TRIO: variants seen among roughly 807,000 people sequenced by gnomAD.
TRIO encodes trio Rho guanine nucleotide exchange factor.
A neutral mutation model predicts 351.9 loss-of-function variants in TRIO; 58 were observed. The ratio of observed to expected loss-of-function variants is 0.16; its 90% confidence interval spans 0.13 to 0.21. The LOEUF (loss-of-function observed/expected upper bound fraction) is 0.21, where lower values mean the gene tolerates loss of function less well. TRIO is among the 10% of genes least tolerant of loss of function. The pLI, the probability that TRIO is intolerant of heterozygous loss-of-function variation, is 1.00. For missense variants in TRIO, 3,201 were observed against 4,027.8 expected, an observed-to-expected ratio of 0.79 and a Z score of 5.56; for synonymous variants, 1,758 against 1,595.7, an observed-to-expected ratio of 1.10 and a Z score of -2.42.
At position 14,487,739 on chromosome 5, in the gene TRIO, A is replaced by C; in HGVS notation, c.7111A>C (p.Thr2371Pro). The change falls in exon 48 of 57, where the codon ACC becomes CCC. Residue 2371 changes from threonine (T) to proline (P), a missense_variant. Thr to Pro is a conservative substitution (Grantham distance 38). Coordinates refer to ENST00000344204, the MANE Select transcript of TRIO (RefSeq NM_007118.4). ...AEADKMSGTS[T>P]PGPSLPPPGA... is the part of the protein sequence containing the mutation. ...GGCAGACAAGATGTCAGGTACGTCC[A>C]CCCCCGGGCCCTCCCTGCCTCCCCC... 7.1e-7 allele frequency: 1 copy of C among 1,411,452 alleles called. No individual in the cohort carries two copies. Among genetic ancestry groups the C allele is most frequent in the East Asian group, 3.2e-5 (1 of 31,226 alleles). 87.4% of individuals were successfully genotyped at this position (1,411,452 alleles called of 1,614,324 possible). A position where few individuals can be genotyped will look rare whatever the true frequency, so the allele number is the denominator to read the frequency against.
chr5:14,245,834 G>A (rs354308), intron 1 of TRIO, among the ~76,000 whole-genome samples: 122,993 of 152,240 alleles, frequency 0.81, 49,865 homozygotes, highest in East Asian at 0.98. Context: ...CAGGAATTTG[G>A]CCTTCCTAAA....
chr5:14,484,090 C>T (rs1433762064), intron 46 of TRIO, among the ~76,000 whole-genome samples: 2 of 151,048 alleles, frequency 1.3e-5, no homozygotes, highest in East Asian at 1.9e-4. Flanking sequence ...CCATCCCGGG[C>T]ACTGCACTCA....
At chr5:14,440,944 G>T (rs942400294) in intron 34 of TRIO, 1 of 152,234 alleles carries the variant, frequency 6.6e-6, no homozygotes, top group African/African-American at 2.4e-5. Context: ...ATTAGAGTCA[G>T]TGTGGTAGAA....
At chr5:14,427,273 A>T (rs1198074691) in intron 34 of TRIO, among the ~76,000 whole-genome samples, 1 of 151,994 alleles carries the variant, frequency 6.6e-6, no homozygotes, top group African/African-American at 2.4e-5. Context: ...CCCCACCACC[A>T]TCCTTCCCCC....
At position 14,421,252 on chromosome 5, in the gene TRIO, T is replaced by G. The variant is rs1336593787; in HGVS notation, c.5203+1231T>G. On this transcript the variant is annotated intron_variant, in intron 34 of 56. Coordinates refer to ENST00000344204, the MANE Select transcript of TRIO (RefSeq NM_007118.4). Reference sequence around the variant, plus strand: ...ATTTATTTTATTTTATTTTATTTTATTTTATTTTATTTTATTTTATTTTAT... The same window carrying G: ...ATTTATTTTATTTTATTTTATTTTAGTTTATTTTATTTTATTTTATTTTAT... Among the ~76,000 whole-genome samples, 14 of 145,742 alleles carry G rather than the reference T, an allele frequency of 9.6e-5. No homozygotes were observed. The Admixed American group carries it at 9.7e-4, about 10-fold the overall frequency.
intron 11 of TRIO, among the ~76,000 whole-genome samples, chr5:14,338,784 T>A (rs957869771): frequency 4.0e-5 from 6 of 151,676 alleles, no homozygotes; most frequent in African/African-American, 1.5e-4. Context: ...CAGCTGGGAG[T>A]GGCTGAGAGG....
At chr5:14,151,097 A>T (rs919799638) in intron 1 of TRIO, among the ~76,000 whole-genome samples, 11 of 152,186 alleles carry the variant, frequency 7.2e-5, no homozygotes, top group African/African-American at 2.2e-4. Flanking sequence ...GCGAAAGAAG[A>T]AGTTTAGTTT....
chr5:14,229,187 G>T (rs754693212), intron 1 of TRIO, among the ~76,000 whole-genome samples: 2 of 151,742 alleles, frequency 1.3e-5, no homozygotes, highest in Non-Finnish European at 2.9e-5. Flanking sequence ...TTCATACCCT[G>T]ATCTAGAACA....
intron 1 of TRIO, among the ~76,000 whole-genome samples, chr5:14,267,830 C>T (rs1795772172): frequency 6.6e-6 from 1 of 152,070 alleles, no homozygotes; most frequent in South Asian, 2.1e-4. Flanking sequence ...ACAATAATGA[C>T]AAACTCAAGT....
At chr5:14,156,340 G>A (rs927193071) in intron 1 of TRIO, among the ~76,000 whole-genome samples, 5 of 152,186 alleles carry the variant, frequency 3.3e-5, no homozygotes, top group African/African-American at 9.7e-5. Flanking sequence ...CACGATCTAG[G>A]CACTAAGCGT....
intron 1 of TRIO, among the ~76,000 whole-genome samples, chr5:14,217,967 A>T (rs558267663): frequency 1.3e-5 from 2 of 152,368 alleles, no homozygotes; most frequent in Admixed American, 1.3e-4. Flanking sequence ...GCATTTAAAA[A>T]CATTCAGTAA....
intron 2 of TRIO, among the ~76,000 whole-genome samples, chr5:14,277,525 G>A (rs1413857111): frequency 6.6e-6 from 1 of 152,144 alleles, no homozygotes; most frequent in Non-Finnish European, 1.5e-5. Context: ...AAATGAGGCT[G>A]ACATCTGTCC....
intron 9 of TRIO, among the ~76,000 whole-genome samples, chr5:14,321,685 C>T (rs1033009945): frequency 1.1e-4 from 17 of 152,136 alleles, no homozygotes; most frequent in Non-Finnish European, 4.4e-5. Flanking sequence ...CTTGTGGACG[C>T]CTGATATGGT....
chr5:14,244,186 TATA>T (rs983833741), intron 1 of TRIO, among the ~76,000 whole-genome samples: 1 of 152,260 alleles, frequency 6.6e-6, no homozygotes, highest in Non-Finnish European at 1.5e-5. Context: ...AACTTAAAAT[TATA>T]ATCTGTTTTT....
chr5:14,447,010 C>T (rs958275807), intron 34 of TRIO, among the ~76,000 whole-genome samples: 4 of 152,308 alleles, frequency 2.6e-5, no homozygotes, highest in African/African-American at 9.6e-5. Context: ...GTGGGCAGAT[C>T]ACTTGAGGCC....
chr5:14,204,041 C>G (rs1287299239), intron 1 of TRIO, among the ~76,000 whole-genome samples: 1 of 152,170 alleles, frequency 6.6e-6, no homozygotes, highest in African/African-American at 2.4e-5. Flanking sequence ...TGATGGATGT[C>G]TCAAATGTTT....
chr5:14,234,153 T>A (rs1793635172), intron 1 of TRIO, among the ~76,000 whole-genome samples: 1 of 152,214 alleles, frequency 6.6e-6, no homozygotes, highest in Non-Finnish European at 1.5e-5. Context: ...TTGTCATTAT[T>A]ATTGCCAATG....
chr5:14,259,916 C>A (rs113019087), intron 1 of TRIO, among the ~76,000 whole-genome samples: 3 of 152,012 alleles, frequency 2.0e-5, no homozygotes, highest in Non-Finnish European at 4.4e-5. Flanking sequence ...GGCCTCTGAT[C>A]GGATGAATCC....
At chr5:14,369,711 C>A (rs1355230146) in intron 18 of TRIO, among the ~76,000 whole-genome samples, 188 bp downstream of exon 18, 1 of 152,160 alleles carries the variant, frequency 6.6e-6, no homozygotes, top group Non-Finnish European at 1.5e-5. Context: ...TTTTCATGTG[C>A]GATTGCCTTG....
Sources: allele counts gnomAD v4.1 joint callset (sites outside exome capture counted in the v4.1 genomes callset), GRCh38; gene constraint gnomAD v4.1.1; transcripts MANE v1.5; gene names NCBI Gene and HGNC (gene_info 2026-07-23, HGNC 2026-07-21).